The following NAE1 variants were observed in gnomAD, a reference collection of about 807,000 sequenced individuals.
The protein encoded by NAE1 is NEDD8 activating enzyme E1 subunit 1.
Under a neutral mutation model 88.0 loss-of-function variants are expected in NAE1, and 59 were observed. The observed-to-expected ratio is 0.67, with a 90% confidence interval of 0.54 to 0.83. NAE1 has a LOEUF of 0.83. Ranked by LOEUF, NAE1 falls within the 40% of genes least tolerant of loss-of-function variation. The probability of loss-of-function intolerance (pLI) is 0.00; values close to 1 mark genes in which losing one functional copy is unlikely to be tolerated. For missense variants in NAE1, 554 were observed against 632.8 expected, an observed-to-expected ratio of 0.88 and a Z score of 1.34; for synonymous variants, 186 against 208.9, an observed-to-expected ratio of 0.89 and a Z score of 0.95.
At chr16:66,828,195 T>C (rs1960540534) in intron 1 of NAE1, 3 of 771,628 alleles carry the variant, frequency 3.9e-6, no homozygotes, top group African/African-American at 1.7e-5. Flanking sequence ...AATTTAAGAA[T>C]ACTGGTGCAT....
rs766617531 is a variant in NAE1 at position 66,813,858 on chromosome 16, A to T, written c.841-12T>A. ...ATACTGCTTGGGATCTAACAAAGGA[A>T]CATGAAACATTTACTTACACAGTAT... On this transcript the variant is annotated splice_polypyrimidine_tract_variant and intron_variant, in intron 11 of 19. Transcript: ENST00000290810. 40 of 1,608,840 alleles carry T rather than the reference A, an allele frequency of 2.5e-5. No homozygotes were observed. The highest frequency in any genetic ancestry group is 1.7e-4 in the Middle Eastern group (1 of 6,038).
At position 66,826,771 on chromosome 16, in the gene NAE1, AC is replaced by A; in HGVS notation, c.62del (p.Gly21ValfsTer8). On this transcript the variant is annotated frameshift_variant, in exon 2 of 20. Coordinates refer to ENST00000290810, the MANE Select transcript of NAE1 (RefSeq NM_003905.4). LOFTEE classifies it high-confidence loss of function. ...QKYDRQLRLW[G>X]DHGQEALESA... ...ATTCTAAAGCCTCTTGCCCATGATCACCCCACAACCTACAAAACAGACACAA... is the reference window on the plus strand; with the variant it reads ...ATTCTAAAGCCTCTTGCCCATGATCACCCACAACCTACAAAACAGACACAA... 6.3e-7 allele frequency: 1 copy of A among 1,599,730 alleles called. No individual in the cohort carries two copies.
At chr16:66,805,206 G>A (rs1231246507) in intron 19 of NAE1, among the ~76,000 whole-genome samples, 2 of 152,146 alleles carry the variant, frequency 1.3e-5, no homozygotes, top group African/African-American at 4.8e-5. Flanking sequence ...ACCAAGGCTG[G>A]AAAGGCCGAG....
chr16:66,810,324 T>G, intron 15 of NAE1, 50 bp downstream of exon 15: 1 of 1,424,282 alleles, frequency 7.0e-7, no homozygotes, highest in Non-Finnish European at 9.9e-7. Context: ...ACATTCCCTG[T>G]GGCACATTTC....
Position 66,813,768 on chromosome 16 carries a change from TTA to T in NAE1, c.900+17_900+18del. 1 of 1,613,100 alleles carries T rather than the reference TTA, an allele frequency of 6.2e-7. No homozygotes were observed. Among genetic ancestry groups the T allele is most frequent in the Admixed American group, 1.7e-5 (1 of 59,944 alleles). On this transcript the variant is annotated intron_variant, in intron 12 of 19. Transcript: ENST00000290810. ...ACCCAAAGTTTTAGCAGCAATGTTTTTACTTTTGTTGTTGTTACCTGTTTGGT... is the reference window on the plus strand; with the variant it reads ...ACCCAAAGTTTTAGCAGCAATGTTTTCTTTTGTTGTTGTTACCTGTTTGGT...
At chr16:66,813,730 G>T (rs1367858466) in intron 12 of NAE1, 33 bp from the exon 13 acceptor site, 2 of 1,610,236 alleles carry the variant, frequency 1.2e-6, no homozygotes. Context: ...ACATTAAGTG[G>T]CGTTTTACTT....
At chr16:66,814,238 C>T (rs1959941017) in intron 11 of NAE1, among the ~76,000 whole-genome samples, 1 of 152,020 alleles carries the variant, frequency 6.6e-6, no homozygotes, top group Admixed American at 6.6e-5. Context: ...GAGACAACCA[C>T]TCTGAAAAAA....
At chr16:66,826,636 T>TA in intron 2 of NAE1, 41 bp downstream of exon 2, 1 of 1,613,716 alleles carries the variant, frequency 6.2e-7, no homozygotes, top group Non-Finnish European at 8.5e-7. Flanking sequence ...GTCATAAACT[T>TA]AAAGAAGTAT....
intron 17 of NAE1, among the ~76,000 whole-genome samples, chr16:66,808,010 C>G (rs1275763483): frequency 6.6e-6 from 1 of 151,774 alleles, no homozygotes; most frequent in African/African-American, 2.4e-5. Flanking sequence ...CTCAGGTGAT[C>G]CTCCCGAGTA....
intron 15 of NAE1, among the ~76,000 whole-genome samples, chr16:66,810,083 TA>T (rs1959729689): frequency 6.6e-6 from 1 of 152,154 alleles, no homozygotes; most frequent in Non-Finnish European, 1.5e-5. Context: ...CTAAATTACT[TA>T]AAATTTAAAA....
rs1278922715 is a variant in NAE1, at chr16:66,808,602, C to T, written c.1249G>A (p.Asp417Asn). Residue 417 changes from aspartate to asparagine, a missense_variant, in exon 17 of 20, where the codon GAC becomes AAC. Transcript: ENST00000290810. ...AACACTATTTCATTATCTGGATTGT[C>T]CATGCTAGAAACTGAAAGGAAAAAA... ...INKDEIISSM[D>N]NPDNEIVLYL... The T allele has an allele frequency of 3.1e-6, 5 of 1,601,696 alleles. No individual in the cohort carries two copies. Among genetic ancestry groups the T allele is most frequent in the Non-Finnish European group, 4.3e-6 (5 of 1,174,244 alleles).
Position 66,823,367 on chromosome 16 carries a change from C to A in NAE1, c.322-61G>T, listed in dbSNP as rs765216698. 19 of 1,411,028 alleles carry A rather than the reference C, an allele frequency of 1.3e-5. No individual in the cohort carries two copies. The Middle Eastern group carries it at 5.4e-4, about 40-fold the overall frequency. The allele number at this position is 1,411,028 out of a possible 1,614,324, so 87.4% of individuals were successfully genotyped here. On this transcript the variant is annotated intron_variant, in intron 5 of 19. Transcript: ENST00000290810. Reference sequence around the variant, plus strand: ...AAACCAATTTCACAATCATATTAAACATGGCAGAGACAGTTAAGCTATTTT... The same window carrying A: ...AAACCAATTTCACAATCATATTAAAAATGGCAGAGACAGTTAAGCTATTTT...
Position 66,804,489 on chromosome 16 carries a change from C to G in NAE1, c.1495+1288G>C, listed in dbSNP as rs566353274. 1.1e-4 allele frequency among the ~76,000 whole-genome samples: 17 copies of G among 152,270 alleles called. No individual in the cohort carries two copies. The South Asian group carries it at 3.5e-3, about 32-fold the overall frequency. On this transcript the variant is annotated intron_variant, in intron 19 of 19. Coordinates refer to ENST00000290810, the MANE Select transcript of NAE1 (RefSeq NM_003905.4). ...TTGGATTTGCTTAGAAAATAGTTTT[C>G]TTAGGTCTGTATGATGCATTTACAT...
intron 4 of NAE1, among the ~76,000 whole-genome samples, chr16:66,824,115 C>A (rs1357742863): frequency 2.0e-5 from 3 of 152,108 alleles, no homozygotes; most frequent in Non-Finnish European, 2.9e-5. Context: ...CCAGAGTTCT[C>A]AAATGACATT....
intron 8 of NAE1, among the ~76,000 whole-genome samples, chr16:66,817,883 T>C (rs1366523224): frequency 1.3e-5 from 2 of 152,202 alleles, no homozygotes; most frequent in Non-Finnish European, 2.9e-5. Context: ...TGTTATGTCA[T>C]TATTTCTATT....
intron 14 of NAE1, 57 bp downstream of exon 14, chr16:66,810,640 T>G (rs1021777454): frequency 2.0e-6 from 3 of 1,499,368 alleles, no homozygotes; most frequent in African/African-American, 2.8e-5. Context: ...TCTAAACCCT[T>G]TCTGGCTGGA....
chr16:66,808,915 CTAT>C, intron 16 of NAE1, 71 bp downstream of exon 16: 1 of 1,012,332 alleles, frequency 9.9e-7, no homozygotes, highest in South Asian at 1.8e-5. Flanking sequence ...ATACTCAACA[CTAT>C]TATACACAAA....
chr16:66,810,584 A>G (rs1252568966), intron 14 of NAE1, 113 bp downstream of exon 14: 1 of 1,122,146 alleles, frequency 8.9e-7, no homozygotes, highest in Non-Finnish European at 1.3e-6. Flanking sequence ...CAGGGAAATG[A>G]CAGCTCCCTC....
chr16:66,806,240 T>C (rs1463395498), intron 17 of NAE1: 3 of 434,622 alleles, frequency 6.9e-6, no homozygotes, highest in Non-Finnish European at 1.2e-5. Flanking sequence ...ATTAAATCTT[T>C]ATTAATTGCA....
Sources: allele counts gnomAD v4.1 joint callset (sites outside exome capture counted in the v4.1 genomes callset), GRCh38; gene constraint gnomAD v4.1.1; transcripts MANE v1.5; gene names NCBI Gene and HGNC (gene_info 2026-07-23, HGNC 2026-07-21).